TLE4: variants seen among roughly 807,000 people sequenced by gnomAD.
The protein encoded by TLE4 is TLE family member 4, transcriptional corepressor, also known as transducin-like enhancer protein 4.
TLE4 carries 8 observed loss-of-function variants against 92.8 expected under a neutral mutation model. The observed-to-expected ratio is 0.09, with a 90% confidence interval of 0.05 to 0.16. The LOEUF (loss-of-function observed/expected upper bound fraction) is 0.16. Ranked by LOEUF, TLE4 falls within the 10% of genes least tolerant of loss-of-function variation. The pLI, the probability that TLE4 is intolerant of heterozygous loss-of-function variation, is 1.00. For missense variants in TLE4, 675 were observed against 997.6 expected, an observed-to-expected ratio of 0.68 and a Z score of 4.36; for synonymous variants, 371 against 374.1, an observed-to-expected ratio of 0.99 and a Z score of 0.10.
chr9:79,687,263 A>C (rs1025420324), intron 8 of TLE4, among the ~76,000 whole-genome samples: 5 of 152,144 alleles, frequency 3.3e-5, no homozygotes, highest in Non-Finnish European at 7.3e-5. Flanking sequence ...TGCCATGGCC[A>C]CGTACAAGTT....
At chr9:79,597,558 C>T (rs996766988) in intron 4 of TLE4, among the ~76,000 whole-genome samples, 1 of 152,080 alleles carries the variant, frequency 6.6e-6, no homozygotes, top group African/African-American at 2.4e-5. Flanking sequence ...TTAAACTCAA[C>T]AGGTCCCAAA....
At chr9:79,595,968 TC>T (rs1404247158) in intron 4 of TLE4, among the ~76,000 whole-genome samples, 1 of 151,422 alleles carries the variant, frequency 6.6e-6, no homozygotes, top group African/African-American at 2.4e-5. Flanking sequence ...TGCTTCAGCC[TC>T]CCAAGTAGCT....
intron 4 of TLE4, among the ~76,000 whole-genome samples, chr9:79,605,967 T>C (rs1050780342): frequency 1.3e-5 from 2 of 152,032 alleles, no homozygotes; most frequent in South Asian, 4.1e-4. Context: ...TGAAAAGAGA[T>C]TCAATATTGA....
At chr9:79,690,026 C>T (rs1457722000) in intron 8 of TLE4, among the ~76,000 whole-genome samples, 1 of 152,112 alleles carries the variant, frequency 6.6e-6, no homozygotes, top group African/African-American at 2.4e-5. Context: ...ACTGCCCGGT[C>T]CTTTGAATTA....
intron 8 of TLE4, among the ~76,000 whole-genome samples, chr9:79,654,917 G>T (rs1307505811): frequency 6.6e-6 from 1 of 152,178 alleles, no homozygotes; most frequent in Non-Finnish European, 1.5e-5. Context: ...GCCGAGGTGG[G>T]CGGATCGTGA....
chr9:79,688,207 T>C (rs901688757), intron 8 of TLE4, among the ~76,000 whole-genome samples: 5 of 152,202 alleles, frequency 3.3e-5, no homozygotes, highest in Non-Finnish European at 1.5e-5. Context: ...GCAGTTCTTA[T>C]TTTATAGCTT....
intron 6 of TLE4, among the ~76,000 whole-genome samples, chr9:79,642,045 C>G (rs117943570): frequency 1.3e-5 from 2 of 151,326 alleles, no homozygotes; most frequent in Non-Finnish European, 2.9e-5. Context: ...TTAATTTACA[C>G]GTATATTCTA....
intron 4 of TLE4, among the ~76,000 whole-genome samples, chr9:79,598,839 T>TC (rs898595950): frequency 3.6e-4 from 54 of 151,412 alleles, no homozygotes; most frequent in South Asian, 1.0e-3. Context: ...TATTTGATCT[T>TC]CCCCCCCCAG....
intron 8 of TLE4, among the ~76,000 whole-genome samples, chr9:79,678,089 G>T (rs1309731727): frequency 2.0e-5 from 3 of 152,040 alleles, no homozygotes; most frequent in East Asian, 1.9e-4. Context: ...CTCAGTTAAA[G>T]AAATTAGTAG....
intron 6 of TLE4, among the ~76,000 whole-genome samples, chr9:79,632,073 G>GC (rs1174198028): frequency 1.3e-5 from 2 of 152,096 alleles, no homozygotes; most frequent in Non-Finnish European, 2.9e-5. Context: ...GTGTCCCACA[G>GC]CCTGACAGCA....
At chr9:79,712,543 T>C (rs903236037) in intron 14 of TLE4, among the ~76,000 whole-genome samples, 1 of 152,192 alleles carries the variant, frequency 6.6e-6, no homozygotes, top group South Asian at 2.1e-4. Flanking sequence ...ACTACCTTTC[T>C]CCAGAAAGAC....
intron 10 of TLE4, 64 bp from the exon 11 acceptor site, chr9:79,706,683 C>A: frequency 6.4e-7 from 1 of 1,553,190 alleles, no homozygotes. Context: ...AATGTCCACA[C>A]CCAACAACCC....
intron 13 of TLE4, among the ~76,000 whole-genome samples, 173 bp from the exon 14 acceptor site, chr9:79,709,450 A>G (rs772628199): frequency 1.7e-4 from 26 of 152,214 alleles, no homozygotes; most frequent in Non-Finnish European, 2.9e-4. Context: ...GTATGTTACC[A>G]TTAAATCCTA....
chr9:79,671,939 AGTC>A (rs1468342338), intron 8 of TLE4, among the ~76,000 whole-genome samples: 16 of 148,478 alleles, frequency 1.1e-4, no homozygotes, highest in Admixed American at 7.4e-4. Context: ...AAAAAAAAAA[AGTC>A]AGTCTGGAAG....
At chr9:79,648,585 C>A (rs2058458022) in intron 6 of TLE4, among the ~76,000 whole-genome samples, 1 of 152,166 alleles carries the variant, frequency 6.6e-6, no homozygotes, top group East Asian at 1.9e-4. Flanking sequence ...GTGGAGAAAG[C>A]AGTAAGGGTT....
Position 79,621,689 on chromosome 9 carries a change from G to A in TLE4, c.316-5685G>A, listed in dbSNP as rs539884001. On this transcript the variant is annotated intron_variant, in intron 5 of 19. Coordinates refer to ENST00000376552, the MANE Select transcript of TLE4 (RefSeq NM_007005.6). ...CGCCATCCCAATCTGCTCAGCCCCG[G>A]CAGTGTTTAGAAATTTGCGTGCTTT... Among the ~76,000 whole-genome samples the A allele has an allele frequency of 3.9e-5, 6 of 152,270 alleles. No homozygotes were observed. In the South Asian group the frequency reaches 1.0e-3, roughly 26 times the overall value.
chr9:79,665,281 CAGT>C (rs2061211031), intron 8 of TLE4, among the ~76,000 whole-genome samples: 1 of 152,138 alleles, frequency 6.6e-6, no homozygotes, highest in Non-Finnish European at 1.5e-5. Context: ...ATATTTAAAT[CAGT>C]AGGTATTGAT....
intron 9 of TLE4, among the ~76,000 whole-genome samples, chr9:79,705,155 A>G (rs1001976479): frequency 3.3e-5 from 5 of 152,228 alleles, no homozygotes; most frequent in Non-Finnish European, 5.9e-5. Context: ...TATTGTTTCT[A>G]TAGGTGTATT....
At chr9:79,678,386 A>G (rs760620512) in intron 8 of TLE4, among the ~76,000 whole-genome samples, 2 of 152,088 alleles carry the variant, frequency 1.3e-5, no homozygotes, top group Non-Finnish European at 2.9e-5. Flanking sequence ...GAAACCACAT[A>G]CAGACCTTTC....
Sources: allele counts gnomAD v4.1 joint callset (sites outside exome capture counted in the v4.1 genomes callset), GRCh38; gene constraint gnomAD v4.1.1; transcripts MANE v1.5; gene names NCBI Gene and HGNC (gene_info 2026-07-23, HGNC 2026-07-21).